Variants in PLPP4 observed in about 807,000 individuals in gnomAD.
The protein encoded by PLPP4 is diacylglycerol pyrophosphate like 2.
PLPP4 carries 20 observed loss-of-function variants against 32.2 expected under a neutral mutation model. The ratio of observed to expected loss-of-function variants is 0.62; its 90% CI spans 0.44 to 0.90. The LOEUF (loss-of-function observed/expected upper bound fraction) is 0.90, where lower values mean the gene tolerates loss of function less well. PLPP4 is among the 40% of genes least tolerant of loss of function. The pLI, the probability that PLPP4 is intolerant of heterozygous loss-of-function variation, is 0.00. For missense variants in PLPP4, 257 were observed against 353.1 expected, an observed-to-expected ratio of 0.73 and a Z score of 2.18; for synonymous variants, 127 against 133.0, an observed-to-expected ratio of 0.95 and a Z score of 0.31.
intron 1 of PLPP4, among the ~76,000 whole-genome samples, chr10:120,471,755 G>C (rs1019825336): frequency 6.6e-6 from 1 of 151,916 alleles, no homozygotes; most frequent in Admixed American, 6.6e-5. Context: ...TTATTAATAT[G>C]GTTGAATTTA....
At chr10:120,585,712 C>T (rs934070874) in intron 6 of PLPP4, among the ~76,000 whole-genome samples, 10 of 152,186 alleles carry the variant, frequency 6.6e-5, no homozygotes, top group South Asian at 2.1e-4. Context: ...GATTTCTCAG[C>T]GTGGAAGATT....
chr10:120,533,479 C>T (rs189044725), intron 5 of PLPP4, among the ~76,000 whole-genome samples: 74 of 152,200 alleles, frequency 4.9e-4, no homozygotes, highest in African/African-American at 1.5e-3. Context: ...TATTTTTACT[C>T]TCATGATAGT....
intron 5 of PLPP4, among the ~76,000 whole-genome samples, chr10:120,549,806 G>A (rs772388111): frequency 6.6e-6 from 1 of 151,940 alleles, no homozygotes; most frequent in Non-Finnish European, 1.5e-5. Context: ...CAAAAAATCT[G>A]TCATTAACCT....
intron 1 of PLPP4, among the ~76,000 whole-genome samples, chr10:120,465,595 A>T (rs924330283): frequency 6.6e-6 from 1 of 152,224 alleles, no homozygotes; most frequent in Non-Finnish European, 1.5e-5. Flanking sequence ...GGTTTTTAAA[A>T]ACATATTTTA....
intron 1 of PLPP4, among the ~76,000 whole-genome samples, chr10:120,462,336 C>G (rs962445766): frequency 1.6e-4 from 24 of 152,190 alleles, no homozygotes; most frequent in African/African-American, 5.8e-4. Flanking sequence ...ACTGGGGGGG[C>G]CTGGAGGTTT....
At chr10:120,550,285 G>C (rs993396251) in intron 5 of PLPP4, among the ~76,000 whole-genome samples, 1 of 151,862 alleles carries the variant, frequency 6.6e-6, no homozygotes, top group Admixed American at 6.6e-5. Context: ...TTGCTAAAAA[G>C]CTAAATAAGA....
At position 120,468,211 on chromosome 10, in the gene PLPP4, C is replaced by T. The variant is rs935368764; in HGVS notation, c.56+10850C>T. Among the ~76,000 whole-genome samples the T allele has an allele frequency of 6.2e-5, 4 of 64,906 alleles. 1 individual carries two copies. The highest frequency in any genetic ancestry group is 1.3e-4 in the African/African-American group (4 of 30,472). The allele number at this position is 64,906 out of a possible 152,430, so 42.6% of individuals were successfully genotyped here. On this transcript the variant is annotated intron_variant, in intron 1 of 6. Transcript: ENST00000398250. ...TGCAATGAACATAGTGTGTACGTGTCTTTATTATAGAATGTAAATATGTGA... is the reference window on the plus strand; with the variant it reads ...TGCAATGAACATAGTGTGTACGTGTTTTTATTATAGAATGTAAATATGTGA...
chr10:120,580,786 T>A, intron 6 of PLPP4: 1 of 819,130 alleles, frequency 1.2e-6, no homozygotes, highest in Non-Finnish European at 1.7e-6. Flanking sequence ...TGGAACAATA[T>A]GATTGTTTCT....
chr10:120,484,811 A>C (rs1213538742), intron 1 of PLPP4, among the ~76,000 whole-genome samples: 1 of 152,240 alleles, frequency 6.6e-6, no homozygotes, highest in Non-Finnish European at 1.5e-5. Context: ...AAGGGAATTA[A>C]GGTTACAAAT....
chr10:120,495,721 G>A (rs1231730474), intron 1 of PLPP4, among the ~76,000 whole-genome samples: 1 of 152,046 alleles, frequency 6.6e-6, no homozygotes, highest in African/African-American at 2.4e-5. Context: ...GCAGAGTTTT[G>A]TTGCCATTCT....
At chr10:120,498,507 C>A (rs1348574046) in intron 1 of PLPP4, among the ~76,000 whole-genome samples, 1 of 152,098 alleles carries the variant, frequency 6.6e-6, no homozygotes, top group Admixed American at 6.6e-5. Flanking sequence ...TTTTGGTCAT[C>A]AAACCTAATG....
At chr10:120,504,115 G>T (rs959419979) in intron 2 of PLPP4, among the ~76,000 whole-genome samples, 189 bp downstream of exon 2, 1 of 152,198 alleles carries the variant, frequency 6.6e-6, no homozygotes, top group Non-Finnish European at 1.5e-5. Context: ...GAAGTAGTCT[G>T]TTAGAAATGC....
intron 5 of PLPP4, among the ~76,000 whole-genome samples, chr10:120,553,063 A>G (rs1847983455): frequency 6.6e-6 from 1 of 152,254 alleles, no homozygotes; most frequent in Non-Finnish European, 1.5e-5. Flanking sequence ...AGCCAAAAGC[A>G]GCATGATATG....
intron 1 of PLPP4, among the ~76,000 whole-genome samples, chr10:120,458,677 G>A (rs527679040): frequency 2.0e-5 from 3 of 152,196 alleles, no homozygotes; most frequent in Admixed American, 2.0e-4. Flanking sequence ...GTTATTCACT[G>A]GGAAGAAGGA....
chr10:120,498,253 A>G (rs1462579205), intron 1 of PLPP4, among the ~76,000 whole-genome samples: 3 of 152,038 alleles, frequency 2.0e-5, no homozygotes, highest in Admixed American at 6.6e-5. Context: ...TTGAATCCCT[A>G]TTAAGTGAAA....
rs751622346 is a variant in PLPP4, at chr10:120,574,129, TACACAC to T, written c.446-967_446-962del. ...GCCACCATTAGAATCATCTGGGGAG[TACACAC>T]ACACACACACACACACACACACACA... On this transcript the variant is annotated intron_variant, in intron 5 of 6. Coordinates refer to ENST00000398250, the MANE Select transcript of PLPP4 (RefSeq NM_001030059.3). Among the ~76,000 whole-genome samples, 412 of 56,950 alleles carry T rather than the reference TACACAC, an allele frequency of 7.2e-3. 10 individuals carry two copies. Among genetic ancestry groups the T allele is most frequent in the Middle Eastern group, 0.014 (1 of 72 alleles). The allele number at this position is 56,950 out of a possible 152,430, so 37.4% of individuals were successfully genotyped here.
intron 1 of PLPP4, among the ~76,000 whole-genome samples, chr10:120,462,884 G>A (rs1474509088): frequency 6.6e-6 from 1 of 152,158 alleles, no homozygotes; most frequent in Non-Finnish European, 1.5e-5. Flanking sequence ...CACTAGAGTG[G>A]CCTTTGTAAG....
chr10:120,496,090 A>G (rs796075704), intron 1 of PLPP4, among the ~76,000 whole-genome samples: 14 of 152,322 alleles, frequency 9.2e-5, no homozygotes, highest in African/African-American at 3.4e-4. Flanking sequence ...TGTTATTTAT[A>G]GTTGGGAAAA....
intron 6 of PLPP4, among the ~76,000 whole-genome samples, chr10:120,581,588 AT>A (rs1371650546): frequency 6.6e-6 from 1 of 152,176 alleles, no homozygotes; most frequent in Admixed American, 6.5e-5. Flanking sequence ...CCTCGTTCAC[AT>A]GATTGCATCG....
Sources: allele counts gnomAD v4.1 joint callset (sites outside exome capture counted in the v4.1 genomes callset), GRCh38; gene constraint gnomAD v4.1.1; transcripts MANE v1.5; gene names NCBI Gene and HGNC (gene_info 2026-07-23, HGNC 2026-07-21).